RUNX1T1: variants seen among roughly 807,000 people sequenced by gnomAD.
RUNX1T1 encodes the protein RUNX1 partner transcriptional co-repressor 1.
Under a neutral mutation model 62.8 loss-of-function variants are expected in RUNX1T1, and 4 were observed. The ratio of observed to expected loss-of-function variants is 0.06; its 90% confidence interval spans 0.03 to 0.15. The LOEUF is 0.15. Ranked by LOEUF, RUNX1T1 falls within the 10% of genes least tolerant of loss-of-function variation. The probability of loss-of-function intolerance (pLI) is 1.00; values close to 1 mark genes in which losing one functional copy is unlikely to be tolerated. For synonymous variants in RUNX1T1, 291 were observed against 286.0 expected (o/e 1.02, Z -0.18); for missense variants, 508 against 754.3 (o/e 0.67, Z 3.82).
At chr8:92,098,765 T>C (rs1306841617) in intron 1 of RUNX1T1, among the ~76,000 whole-genome samples, 2 of 152,166 alleles carry the variant, frequency 1.3e-5, no homozygotes, top group African/African-American at 4.8e-5. Flanking sequence ...TTGGCCCTAA[T>C]CTATAATTAG....
downstream of RUNX1T1, chr8:91,956,898 C>T (rs921687372): frequency 1.0e-5 from 2 of 194,528 alleles, no homozygotes; most frequent in Non-Finnish European, 2.1e-5. Flanking sequence ...CTAAGTATTC[C>T]AGACGTAGGC....
At chr8:91,983,412 A>C (rs1815863067) in intron 8 of RUNX1T1, among the ~76,000 whole-genome samples, 1 of 152,272 alleles carries the variant, frequency 6.6e-6, no homozygotes, top group African/African-American at 2.4e-5. Flanking sequence ...ATAATTTTAA[A>C]ATGCTAAGAA....
chr8:91,986,424 G>T, intron 7 of RUNX1T1, 99 bp from the exon 9 acceptor site: 1 of 899,372 alleles, frequency 1.1e-6, no homozygotes, highest in Non-Finnish European at 1.8e-6. Flanking sequence ...AATGAAGGAA[G>T]CAATTTTATC....
chr8:92,098,205 G>A (rs1048730243), intron 1 of RUNX1T1, among the ~76,000 whole-genome samples: 1 of 152,118 alleles, frequency 6.6e-6, no homozygotes, highest in African/African-American at 2.4e-5. Flanking sequence ...TCATTGCTCA[G>A]CTTGTCATTA....
In RUNX1T1 at chr8:92,028,196, C is replaced by CTCT. The variant is rs1037085035; in HGVS notation, c.8-10834_8-10833insAGA. Among the ~76,000 whole-genome samples, 124 of 118,934 alleles carry CTCT rather than the reference C, an allele frequency of 1.0e-3. 2 individuals carry two copies. Among genetic ancestry groups the CTCT allele is most frequent in the African/African-American group, 3.4e-3 (111 of 32,506 alleles). The allele number at this position is 118,934 out of a possible 152,430, so 78.0% of individuals were successfully genotyped here. On this transcript the variant is annotated intron_variant, in intron 1 of 10. Transcript: ENST00000396218. ...AACAGCTAGAGACATATTAGTAATTCTTTTTTTTTTTTTTTCAATTTTATC... is the reference window on the plus strand; with the variant it reads ...AACAGCTAGAGACATATTAGTAATTCTCTTTTTTTTTTTTTTTTCAATTTTATC...
intron 1 of RUNX1T1, among the ~76,000 whole-genome samples, chr8:92,030,301 G>GC (rs1825988222): frequency 6.6e-6 from 1 of 152,126 alleles, no homozygotes; most frequent in African/African-American, 2.4e-5. Flanking sequence ...AACACCTCCT[G>GC]CCAGAGAGTA....
At chr8:92,003,249 G>A (rs185981332) in intron 5 of RUNX1T1, 5 of 422,298 alleles carry the variant, frequency 1.2e-5, no homozygotes, top group South Asian at 3.4e-5. Context: ...GAGCCTCTGT[G>A]GAATTTAAGA....
chr8:92,102,584 T>G (rs1487521724), upstream of RUNX1T1, among the ~76,000 whole-genome samples: 1 of 151,858 alleles, frequency 6.6e-6, no homozygotes, highest in Non-Finnish European at 1.5e-5. The surrounding 1 kb of genome is among the most constrained non-coding windows in gnomAD (Gnocchi z 4.5). Context: ...GGAAGAAAAA[T>G]TATTTTTAAA....
intron 9 of RUNX1T1, among the ~76,000 whole-genome samples, chr8:91,972,316 T>C (rs1813017901): frequency 1.3e-5 from 2 of 152,188 alleles, no homozygotes; most frequent in African/African-American, 4.8e-5. Flanking sequence ...TCTGTCATTT[T>C]AGCAGCATTA....
exon 2 of RUNX1T1, chr8:92,075,965 C>T: frequency 1.9e-6 from 3 of 1,608,812 alleles, no homozygotes; most frequent in East Asian, 4.5e-5. Context: ...TGTTCCTTAC[C>T]TTGACAATAT....
chr8:92,038,978 A>T (rs1223373215), intron 1 of RUNX1T1, among the ~76,000 whole-genome samples: 3 of 151,970 alleles, frequency 2.0e-5, no homozygotes, highest in Admixed American at 6.6e-5. Context: ...TTTATTGTAG[A>T]CTATACTGGC....
intron 1 of RUNX1T1, among the ~76,000 whole-genome samples, chr8:92,018,074 G>C (rs1376034791): frequency 6.6e-6 from 1 of 152,150 alleles, no homozygotes; most frequent in Non-Finnish European, 1.5e-5. Context: ...GTCCCAAACA[G>C]AGAACTAAAA....
intron 3 of RUNX1T1, among the ~76,000 whole-genome samples, chr8:92,011,902 G>A (rs1822009964): frequency 6.6e-6 from 1 of 152,098 alleles, no homozygotes; most frequent in Non-Finnish European, 1.5e-5. Context: ...CAATTATAAA[G>A]GCATTGAGTA....
chr8:91,959,609 ATAT>A (rs1162682307), exon 11 of RUNX1T1: 2 of 219,012 alleles, frequency 9.1e-6, no homozygotes, highest in Non-Finnish European at 1.8e-5. Flanking sequence ...GTTGACCTGG[ATAT>A]TATTATTTCT....
intron 1 of RUNX1T1, among the ~76,000 whole-genome samples, chr8:92,028,086 G>GT (rs1825571417): frequency 1.1e-5 from 1 of 93,376 alleles, no homozygotes; most frequent in African/African-American, 4.2e-5. Flanking sequence ...TGGGGGGGGG[G>GT]GTGGGAAGGA....
At chr8:92,052,291 T>G (rs1281505489) in intron 1 of RUNX1T1, among the ~76,000 whole-genome samples, 1 of 152,224 alleles carries the variant, frequency 6.6e-6, no homozygotes, top group Non-Finnish European at 1.5e-5. Context: ...TACTCATTTG[T>G]TTACAAGTAA....
intron 8 of RUNX1T1, 116 bp from the exon 10 acceptor site, chr8:91,976,089 G>A (rs761858299): frequency 5.1e-5 from 36 of 701,398 alleles, no homozygotes; most frequent in Middle Eastern, 6.7e-4. Flanking sequence ...CTACAAAAAC[G>A]CAATTTTAAA....
downstream of RUNX1T1, chr8:91,955,676 C>T (rs1236879413): frequency 8.9e-6 from 2 of 225,842 alleles, no homozygotes; most frequent in Non-Finnish European, 1.8e-5. Flanking sequence ...GACACGGGCT[C>T]ATGCACCTGC....
downstream of RUNX1T1, chr8:91,958,480 T>G (rs1292800015): frequency 5.2e-6 from 1 of 191,286 alleles, no homozygotes; most frequent in Non-Finnish European, 1.1e-5. Context: ...GTTAAAGCTG[T>G]CAATCTACAC....
Sources: gnomAD v4.1 joint callset for allele counts (sites outside exome capture counted in the v4.1 genomes callset) on GRCh38, gnomAD v4.1.1 for gene constraint, Gnocchi (gnomAD v3.1) non-coding constraint, MANE v1.5 for transcripts, NCBI Gene and HGNC (gene_info 2026-07-23, HGNC 2026-07-21) for gene names.